The following PREX1 variants were observed in gnomAD, a reference collection of about 807,000 sequenced individuals.
PREX1 encodes phosphatidylinositol-3,4,5-trisphosphate dependent Rac exchange factor 1, also known as phosphatidylinositol 3,4,5-trisphosphate-dependent Rac exchanger 1 protein.
In PREX1, 41 loss-of-function variants were observed where a neutral mutation model predicts 198.3. The observed-to-expected ratio is 0.21, with a 90% CI of 0.16 to 0.27. The LOEUF is 0.27. PREX1 is among the 10% of genes least tolerant of loss of function. The pLI is 1.00. For missense variants in PREX1, 1,620 were observed against 2,200.7 expected, an observed-to-expected ratio of 0.74 and a Z score of 5.28; for synonymous variants, 843 against 887.2, an observed-to-expected ratio of 0.95 and a Z score of 0.89.
chr20:48,846,374 A>C, the PREX1 span, among the ~76,000 whole-genome samples: 4 of 152,192 alleles, frequency 2.6e-5, no homozygotes, highest in African/African-American at 7.2e-5. Flanking sequence ...TCCTTTCTCC[A>C]GCAGGTTTTT....
At chr20:48,644,931 G>A (rs960458953) in intron 26 of PREX1, among the ~76,000 whole-genome samples, 6 of 152,180 alleles carry the variant, frequency 3.9e-5, no homozygotes, top group Admixed American at 6.5e-5. Context: ...CGGAAGGTGT[G>A]GGAGATCAAA....
the PREX1 span, among the ~76,000 whole-genome samples, chr20:48,876,543 G>A: frequency 6.6e-6 from 1 of 152,188 alleles, no homozygotes; most frequent in Non-Finnish European, 1.5e-5. Flanking sequence ...ACTCTTGGAT[G>A]TGTGATCTCG....
In PREX1 at chr20:48,666,275, G is replaced by T. The variant is rs1341030562; in HGVS notation, c.1738+8C>A. ...CCCGGGGGCTGGGCTGCAGGTGGGG[G>T]TGGTTACCGTGGTGCATGAAGCCAT... On this transcript the variant is annotated splice_region_variant and intron_variant, in intron 15 of 39. Transcript: ENST00000371941. This position sits in a 1 kb window ranked among gnomAD's most constrained non-coding sequence, Gnocchi z 4.3. 3.8e-6 allele frequency: 6 copies of T among 1,559,344 alleles called. No homozygotes were observed. The Admixed American group carries it at 7.5e-5, about 20-fold the overall frequency.
the PREX1 span, among the ~76,000 whole-genome samples, chr20:48,860,622 T>C: frequency 2.6e-5 from 4 of 152,050 alleles, no homozygotes; most frequent in Non-Finnish European, 5.9e-5. Context: ...GGGTGGATCA[T>C]GAGGTCAGGA....
At chr20:48,778,398 A>G (rs1215469963) in intron 1 of PREX1, among the ~76,000 whole-genome samples, 1 of 150,328 alleles carries the variant, frequency 6.7e-6, no homozygotes, top group Non-Finnish European at 1.5e-5. Flanking sequence ...AAAGGATGAA[A>G]TCCCGTCTCT....
intron 1 of PREX1, among the ~76,000 whole-genome samples, chr20:48,796,674 G>T (rs1021370164): frequency 6.7e-6 from 1 of 150,066 alleles, no homozygotes; most frequent in Non-Finnish European, 1.5e-5. Context: ...TATATGTGTC[G>T]TACATCATAT....
intron 1 of PREX1, among the ~76,000 whole-genome samples, chr20:48,776,245 A>G (rs970568786): frequency 2.6e-5 from 4 of 152,158 alleles, no homozygotes; most frequent in East Asian, 1.9e-4. Context: ...GAGTGAAGCT[A>G]GAGTCCGGGT....
rs112448872 is a variant in PREX1 at position 48,676,319 on chromosome 20, G to A, written c.1590-51C>T. 7.2e-5 allele frequency: 112 copies of A among 1,558,122 alleles called. 1 individual carries two copies. In the African/African-American group the frequency reaches 1.0e-3, roughly 14 times the overall value. On this transcript the variant is annotated intron_variant, in intron 13 of 39. Coordinates refer to ENST00000371941, the MANE Select transcript of PREX1 (RefSeq NM_020820.4). Reference sequence around the variant, plus strand: ...AGCAGGGCAGGGCGGGGAGGACAGAGGTGGGGGTGGTCCTGACTTCCCTGC... The same window carrying A: ...AGCAGGGCAGGGCGGGGAGGACAGAAGTGGGGGTGGTCCTGACTTCCCTGC...
chr20:48,720,861 G>A (rs1331394765), intron 5 of PREX1, among the ~76,000 whole-genome samples: 4 of 152,084 alleles, frequency 2.6e-5, no homozygotes, highest in African/African-American at 9.7e-5. Context: ...GCTGCACTTG[G>A]GTGACAGCTG....
intron 34 of PREX1, 52 bp from the exon 35 acceptor site, chr20:48,632,443 G>A (rs1348754866): frequency 1.2e-6 from 2 of 1,613,170 alleles, no homozygotes; most frequent in African/African-American, 2.7e-5. Flanking sequence ...CGGTGTGCTT[G>A]GTGGCCTTGG....
intron 14 of PREX1, among the ~76,000 whole-genome samples, chr20:48,675,507 T>G (rs1469675121): frequency 6.6e-6 from 1 of 152,140 alleles, no homozygotes; most frequent in East Asian, 1.9e-4. Flanking sequence ...CTCAGTAAAA[T>G]GAGCCAGGCA....
At chr20:48,811,023 T>C (rs567065469) in intron 1 of PREX1, among the ~76,000 whole-genome samples, 1 of 152,306 alleles carries the variant, frequency 6.6e-6, no homozygotes, top group South Asian at 2.1e-4. Flanking sequence ...TGAAGCCCTG[T>C]GCCCTGCAGA....
Position 48,681,179 on chromosome 20 carries a change from T to C in PREX1, c.1435+56A>G, listed in dbSNP as rs991632589. ...CTGAGCTAGTGGAAGCATGGCACAG[T>C]TGGGGTCTGACCTGTTCCCACCCCT... is the stretch of plus-strand genomic sequence containing the variant. On this transcript the variant is annotated intron_variant, in intron 11 of 39. Transcript: ENST00000371941. The C allele has an allele frequency of 1.8e-5, 25 of 1,419,200 alleles. No homozygotes were observed. The South Asian group carries it at 2.0e-4, about 11-fold the overall frequency. The allele number at this position is 1,419,200 out of a possible 1,614,324, so 87.9% of individuals were successfully genotyped here.
intron 1 of PREX1, among the ~76,000 whole-genome samples, chr20:48,816,862 T>C (rs2090461430): frequency 6.6e-6 from 1 of 152,176 alleles, no homozygotes; most frequent in Non-Finnish European, 1.5e-5. Flanking sequence ...CCAGTTACAT[T>C]GCACCCAGAC....
Position 48,677,051 on chromosome 20 carries a change from C to T in PREX1, c.1590-783G>A, listed in dbSNP as rs550348722. Among the ~76,000 whole-genome samples the T allele has an allele frequency of 3.9e-5, 6 of 152,308 alleles. 1 individual carries two copies. Among genetic ancestry groups the T allele is most frequent in the East Asian group, 1.9e-4 (1 of 5,180 alleles). On this transcript the variant is annotated intron_variant, in intron 13 of 39. Transcript: ENST00000371941. Reference sequence around the variant, plus strand: ...AGCCTCTGAAGCTGTGACAAAAACGCGCTTCTGTGGCCAGTCCATGCCAAG... The same window carrying T: ...AGCCTCTGAAGCTGTGACAAAAACGTGCTTCTGTGGCCAGTCCATGCCAAG...
At chr20:48,650,767 A>G (rs1053930890) in intron 23 of PREX1, 127 bp downstream of exon 23, 5 of 1,225,278 alleles carry the variant, frequency 4.1e-6, no homozygotes, top group Admixed American at 4.7e-5. Context: ...AGTAATACAC[A>G]CCATACATTC....
At chr20:48,856,767 C>T in the PREX1 span, among the ~76,000 whole-genome samples, 2 of 152,342 alleles carry the variant, frequency 1.3e-5, no homozygotes, top group South Asian at 4.1e-4. Context: ...TTTCTCCCAC[C>T]AGTGGGTCTC....
chr20:48,855,300 C>T, the PREX1 span, among the ~76,000 whole-genome samples: 1 of 152,076 alleles, frequency 6.6e-6, no homozygotes, highest in South Asian at 2.1e-4. Context: ...ATATCTTGGT[C>T]ATCATTTTAA....
chr20:48,753,731 G>A (rs1196489534), intron 1 of PREX1, among the ~76,000 whole-genome samples: 2 of 152,136 alleles, frequency 1.3e-5, no homozygotes, highest in African/African-American at 4.8e-5. Context: ...CAGGCCCCCA[G>A]CATCCAGGCC....
Sources: gnomAD v4.1 joint callset for allele counts (sites outside exome capture counted in the v4.1 genomes callset) on GRCh38, gnomAD v4.1.1 for gene constraint, Gnocchi (gnomAD v3.1) non-coding constraint, MANE v1.5 for transcripts, NCBI Gene and HGNC (gene_info 2026-07-23, HGNC 2026-07-21) for gene names.